The following ZDHHC7 variants were observed in gnomAD, a reference collection of about 807,000 sequenced individuals.
ZDHHC7 encodes zDHHC palmitoyltransferase 7.
A neutral mutation model predicts 34.1 loss-of-function variants in ZDHHC7; 12 were observed. The observed-to-expected ratio is 0.35, with a 90% confidence interval of 0.23 to 0.57. The LOEUF (loss-of-function observed/expected upper bound fraction) is 0.57. Among genes scored for constraint, ZDHHC7 ranks in the 20% least tolerant of loss-of-function variants. The pLI is 0.84. For missense variants in ZDHHC7, 388 were observed against 402.7 expected (o/e 0.96, Z 0.31); for synonymous variants, 185 against 155.4 (o/e 1.19, Z -1.42).
At chr16:84,976,998 G>A (rs1273663947) in intron 7 of ZDHHC7, 97 bp downstream of exon 7, 25 of 1,531,054 alleles carry the variant, frequency 1.6e-5, no homozygotes, top group Admixed American at 5.9e-5. Flanking sequence ...TTACGTTCCC[G>A]AGTCAGTCCA....
chr16:84,983,739 C>T (rs984061205), intron 3 of ZDHHC7, among the ~76,000 whole-genome samples: 2 of 152,014 alleles, frequency 1.3e-5, no homozygotes, highest in Admixed American at 6.6e-5. Context: ...GGGTGGCTCA[C>T]GGCTTTAATC....
upstream of ZDHHC7, among the ~76,000 whole-genome samples, chr16:85,014,698 G>T (rs563162308): frequency 2.0e-5 from 3 of 152,284 alleles, no homozygotes; most frequent in Non-Finnish European, 2.9e-5. Flanking sequence ...AAGAGCCAAA[G>T]AGACAAACTC....
chr16:84,977,539 G>A (rs1433442475), intron 6 of ZDHHC7, among the ~76,000 whole-genome samples: 2 of 152,236 alleles, frequency 1.3e-5, no homozygotes, highest in African/African-American at 2.4e-5. Flanking sequence ...ACCCATACCA[G>A]TGAGCAGTGC....
At chr16:85,010,434 T>A (rs1363474108) in intron 1 of ZDHHC7, among the ~76,000 whole-genome samples, 1 of 152,188 alleles carries the variant, frequency 6.6e-6, no homozygotes, top group Non-Finnish European at 1.5e-5. Flanking sequence ...AAAGAAATAT[T>A]AATACACATT....
chr16:85,006,094 C>G (rs146665176), intron 1 of ZDHHC7, among the ~76,000 whole-genome samples: 1 of 152,114 alleles, frequency 6.6e-6, no homozygotes, highest in Non-Finnish European at 1.5e-5. Context: ...CCAGAGGTGG[C>G]GGCTCACACT....
At chr16:84,977,594 T>A (rs903974291) in intron 6 of ZDHHC7, among the ~76,000 whole-genome samples, 1 of 152,250 alleles carries the variant, frequency 6.6e-6, no homozygotes, top group Non-Finnish European at 1.5e-5. Context: ...GGGATGAGCC[T>A]GTCCAGACCT....
chr16:84,996,512 C>T (rs907705644), intron 1 of ZDHHC7, among the ~76,000 whole-genome samples: 2 of 152,210 alleles, frequency 1.3e-5, no homozygotes, highest in East Asian at 1.9e-4. Context: ...ACTCCTGGCA[C>T]GCATCTCCCA....
At chr16:84,986,449 C>T (rs556549288) in intron 3 of ZDHHC7, among the ~76,000 whole-genome samples, 50 of 152,326 alleles carry the variant, frequency 3.3e-4, no homozygotes, top group African/African-American at 1.2e-3. Flanking sequence ...AGGCTACCTC[C>T]GGAAGGCACT....
the ZDHHC7 span, among the ~76,000 whole-genome samples, chr16:85,023,839 C>CA: frequency 6.6e-6 from 1 of 151,936 alleles, no homozygotes; most frequent in Non-Finnish European, 1.5e-5. Flanking sequence ...ATGCTGGTCT[C>CA]AAACTCCTGA....
intron 5 of ZDHHC7, among the ~76,000 whole-genome samples, chr16:84,978,964 T>A (rs1440446547): frequency 6.6e-6 from 1 of 151,874 alleles, no homozygotes; most frequent in African/African-American, 2.4e-5. Context: ...ATTGAGGACA[T>A]CTGGGAGAGA....
intron 4 of ZDHHC7, 62 bp downstream of exon 4, chr16:84,981,808 T>C (rs1174165557): frequency 1.4e-5 from 22 of 1,611,330 alleles, no homozygotes; most frequent in Non-Finnish European, 1.7e-5. Flanking sequence ...TCTGGTTTAA[T>C]ACAGCAGCAC....
intron 4 of ZDHHC7, among the ~76,000 whole-genome samples, chr16:84,980,833 T>C (rs1464383189): frequency 6.6e-6 from 1 of 152,216 alleles, no homozygotes; most frequent in African/African-American, 2.4e-5. Flanking sequence ...TCACTGCCTA[T>C]TTCTAACCCC....
At chr16:85,008,428 C>CG (rs2072745700) in intron 1 of ZDHHC7, among the ~76,000 whole-genome samples, 1 of 151,914 alleles carries the variant, frequency 6.6e-6, no homozygotes, top group Admixed American at 6.6e-5. Context: ...AGAGGACAAT[C>CG]GTGCCTTTGG....
At chr16:85,018,017 G>C in the ZDHHC7 span, among the ~76,000 whole-genome samples, 1 of 152,060 alleles carries the variant, frequency 6.6e-6, no homozygotes, top group Non-Finnish European at 1.5e-5. Context: ...GACACGGGTG[G>C]GTGTGTGTTT....
chr16:84,995,311 G>A (rs2072562271), intron 2 of ZDHHC7, among the ~76,000 whole-genome samples: 1 of 152,112 alleles, frequency 6.6e-6, no homozygotes, highest in Non-Finnish European at 1.5e-5. Context: ...ATATTTAAAG[G>A]GACAACCACA....
chr16:84,986,269 G>A (rs1212666898), intron 3 of ZDHHC7, among the ~76,000 whole-genome samples: 1 of 152,144 alleles, frequency 6.6e-6, no homozygotes, highest in African/African-American at 2.4e-5. Context: ...TTTCGAGGCC[G>A]GGGCTCTGAA....
At chr16:84,988,617 G>A (rs2072467930) in intron 3 of ZDHHC7, 2 of 709,876 alleles carry the variant, frequency 2.8e-6, no homozygotes, top group Non-Finnish European at 4.7e-6. Flanking sequence ...CAGGAGCGGG[G>A]TGGGAGCAGA....
At chr16:85,025,313 G>A in the ZDHHC7 span, among the ~76,000 whole-genome samples, 1 of 151,982 alleles carries the variant, frequency 6.6e-6, no homozygotes, top group Admixed American at 6.5e-5. Context: ...CAACTCAAAG[G>A]AGCAGTGAAG....
chr16:85,023,103 T>G, the ZDHHC7 span, among the ~76,000 whole-genome samples: 4 of 151,978 alleles, frequency 2.6e-5, no homozygotes, highest in African/African-American at 9.7e-5. Context: ...TGCTGACACC[T>G]CAATTTTAGG....
Sources: allele counts gnomAD v4.1 joint callset (sites outside exome capture counted in the v4.1 genomes callset), GRCh38; gene constraint gnomAD v4.1.1; transcripts MANE v1.5; gene names NCBI Gene and HGNC (gene_info 2026-07-23, HGNC 2026-07-21).